The following ZNF423 variants were observed in gnomAD, a reference collection of about 807,000 sequenced individuals.
ZNF423 encodes the protein Ebf-associated zinc finger protein.
In ZNF423, 12 loss-of-function variants were observed where a neutral mutation model predicts 95.8. The ratio of observed to expected loss-of-function variants is 0.13; its 90% CI spans 0.08 to 0.20. ZNF423 has a LOEUF of 0.20. Ranked by LOEUF, ZNF423 falls within the 10% of genes least tolerant of loss-of-function variation. The pLI is 1.00. For synonymous variants in ZNF423, 749 were observed against 711.9 expected, an observed-to-expected ratio of 1.05 and a Z score of -0.83; for missense variants, 1,316 against 1,737.1, an observed-to-expected ratio of 0.76 and a Z score of 4.31.
At chr16:49,708,055 G>A (rs146646441) in intron 3 of ZNF423, 7,319 of 152,806 alleles carry the variant, frequency 0.048, 219 homozygotes, top group Non-Finnish European at 0.068. Flanking sequence ...GAAAAGGACC[G>A]TGAAAGGTGC....
chr16:49,762,146 T>C (rs981211824), intron 2 of ZNF423, among the ~76,000 whole-genome samples: 4 of 152,210 alleles, frequency 2.6e-5, no homozygotes, highest in African/African-American at 9.6e-5. Flanking sequence ...AGCAAAGGCG[T>C]TGAGGCCCAG....
intron 5 of ZNF423, among the ~76,000 whole-genome samples, chr16:49,602,689 G>A (rs1311818348): frequency 6.6e-6 from 1 of 152,202 alleles, no homozygotes; most frequent in Non-Finnish European, 1.5e-5. Context: ...TGCGTTTCCA[G>A]CATGCAGGAA....
At chr16:49,759,418 G>C (rs2033786610) in intron 2 of ZNF423, among the ~76,000 whole-genome samples, 1 of 151,868 alleles carries the variant, frequency 6.6e-6, no homozygotes, top group Admixed American at 6.6e-5. Context: ...AAAAAGGAAA[G>C]CTTGCTATCC....
chr16:49,682,985 G>C (rs1055249650), intron 3 of ZNF423, among the ~76,000 whole-genome samples: 2 of 152,222 alleles, frequency 1.3e-5, no homozygotes, highest in Non-Finnish European at 2.9e-5. Context: ...TCAGGGCTGA[G>C]GGAGCCGCTT....
chr16:49,669,000 C>T (rs2030674995), intron 3 of ZNF423, among the ~76,000 whole-genome samples: 1 of 152,154 alleles, frequency 6.6e-6, no homozygotes, highest in Non-Finnish European at 1.5e-5. Flanking sequence ...CCTTAGTAAG[C>T]ACAGAGAGTG....
At chr16:49,803,229 A>G (rs1458434233) in intron 1 of ZNF423, among the ~76,000 whole-genome samples, 1 of 152,196 alleles carries the variant, frequency 6.6e-6, no homozygotes, top group Non-Finnish European at 1.5e-5. Flanking sequence ...ACTGCACTCT[A>G]GCCTGAGTGA....
chr16:49,502,099 G>A (rs1273421888), intron 7 of ZNF423, among the ~76,000 whole-genome samples: 1 of 151,944 alleles, frequency 6.6e-6, no homozygotes, highest in Non-Finnish European at 1.5e-5. Context: ...TACTATGCAA[G>A]CCCACGAAAA....
chr16:49,844,297 T>C (rs1369273060), intron 1 of ZNF423, among the ~76,000 whole-genome samples: 3 of 152,048 alleles, frequency 2.0e-5, no homozygotes, highest in Non-Finnish European at 4.4e-5. Context: ...AAATAAATAA[T>C]TAAAATTAAA....
intron 5 of ZNF423, among the ~76,000 whole-genome samples, chr16:49,525,981 GA>G (rs1200365671): frequency 6.6e-6 from 1 of 152,216 alleles, no homozygotes; most frequent in Non-Finnish European, 1.5e-5. Flanking sequence ...GGGGTAGACA[GA>G]TGATAAACAA....
intron 1 of ZNF423, among the ~76,000 whole-genome samples, chr16:49,811,163 A>G (rs559266402): frequency 6.6e-6 from 1 of 152,220 alleles, no homozygotes; most frequent in South Asian, 2.1e-4. Flanking sequence ...GAAAGATTTC[A>G]AGAAGAAACA....
chr16:49,555,151 C>T (rs148532616), intron 5 of ZNF423, among the ~76,000 whole-genome samples: 3 of 152,084 alleles, frequency 2.0e-5, no homozygotes, highest in Admixed American at 1.3e-4. Flanking sequence ...GGATTTTTCC[C>T]CCTAAAACAA....
intron 3 of ZNF423, among the ~76,000 whole-genome samples, chr16:49,661,066 C>T (rs2030194844): frequency 6.6e-6 from 1 of 151,932 alleles, no homozygotes; most frequent in Non-Finnish European, 1.5e-5. Flanking sequence ...ACTAAAAATA[C>T]AAAAATTAGC....
intron 5 of ZNF423, among the ~76,000 whole-genome samples, chr16:49,623,267 C>T (rs1223162080): frequency 6.6e-6 from 1 of 152,192 alleles, no homozygotes; most frequent in Non-Finnish European, 1.5e-5. Flanking sequence ...CCTGTCCAGC[C>T]CCCCAGCCAA....
intron 5 of ZNF423, among the ~76,000 whole-genome samples, chr16:49,564,669 A>C (rs1037904139): frequency 6.6e-6 from 1 of 152,230 alleles, no homozygotes; most frequent in African/African-American, 2.4e-5. Context: ...GGGCCTGAGC[A>C]TGGTGTGGTG....
At chr16:49,791,365 A>G (rs780091205) in intron 1 of ZNF423, among the ~76,000 whole-genome samples, 15 of 152,214 alleles carry the variant, frequency 9.9e-5, no homozygotes, top group African/African-American at 3.1e-4. Flanking sequence ...CCTCCAAAAC[A>G]TGGGTGGCTA....
chr16:49,587,250 A>G (rs62030980), intron 5 of ZNF423, among the ~76,000 whole-genome samples: 53,442 of 152,068 alleles, frequency 0.35, 10,170 homozygotes, highest in East Asian at 0.56. Flanking sequence ...AATGACAGAC[A>G]GGCCTTGGAA....
rs150599867 is a variant in ZNF423, at chr16:49,609,565, T to G, written c.3601+16605A>C. Among the ~76,000 whole-genome samples the G allele has an allele frequency of 1.9e-3, 285 of 151,926 alleles. 2 individuals carry two copies. The highest frequency in any genetic ancestry group is 6.6e-3 in the African/African-American group (273 of 41,426). On this transcript the variant is annotated intron_variant, in intron 5 of 7. Coordinates refer to ENST00000563137, the MANE Select transcript of ZNF423 (RefSeq NM_001379286.1). ...ATACAAGGAGGCACTAAATGGAAAT[T>G]TTAGAAATGGATAAAGGAGAAAATC...
In ZNF423 at chr16:49,701,032, G is replaced by A. The variant is rs190064873; in HGVS notation, c.301+29739C>T. ...TTAGCTCTCTCAATGTTATTTTCTT[G>A]TCCCAGTCAATGAGATTGTAATAGA... On this transcript the variant is annotated intron_variant, in intron 3 of 7. Coordinates refer to ENST00000563137, the MANE Select transcript of ZNF423 (RefSeq NM_001379286.1). Among the ~76,000 whole-genome samples, 7 of 152,320 alleles carry A rather than the reference G, an allele frequency of 4.6e-5. No homozygotes were observed. In the East Asian group the frequency reaches 1.4e-3, roughly 29 times the overall value.
At chr16:49,828,025 G>A (rs2035024520) in intron 1 of ZNF423, among the ~76,000 whole-genome samples, 1 of 152,208 alleles carries the variant, frequency 6.6e-6, no homozygotes, top group South Asian at 2.1e-4. Flanking sequence ...ACAAGTGCAA[G>A]CCATTTCGTT....
Sources: gnomAD v4.1 joint callset for allele counts (sites outside exome capture counted in the v4.1 genomes callset) on GRCh38, gnomAD v4.1.1 for gene constraint, MANE v1.5 for transcripts, NCBI Gene and HGNC (gene_info 2026-07-23, HGNC 2026-07-21) for gene names.